RRN3: variants seen among roughly 807,000 people sequenced by gnomAD.
RRN3 encodes RNA polymerase I transcription factor RRN3, also known as RNA polymerase I-specific transcription initiation factor RRN3.
Under a neutral mutation model 82.3 loss-of-function variants are expected in RRN3, and 38 were observed. The observed-to-expected ratio is 0.46, with a 90% confidence interval of 0.36 to 0.61. The LOEUF is 0.61. Among genes scored for constraint, RRN3 ranks in the 20% least tolerant of loss-of-function variants. RRN3 has a pLI of 0.00. For synonymous variants in RRN3, 284 were observed against 284.3 expected (o/e 1.00, Z 0.01); for missense variants, 726 against 793.1 (o/e 0.92, Z 1.02).
chr16:15,091,296 C>T lies in RRN3; in HGVS notation c.252+19G>A, dbSNP rs1194105699. On this transcript the variant is annotated intron_variant, in intron 3 of 17. Transcript: ENST00000198767. ...CAGTGGCAATAATTTTGCTAATGAT[C>T]AAACACAAAATTAATTACCTTTATG... is the stretch of plus-strand genomic sequence containing the variant. 1 of 1,603,064 alleles carries T rather than the reference C, an allele frequency of 6.2e-7. No homozygotes were observed. Among genetic ancestry groups the T allele is most frequent in the East Asian group, 2.2e-5 (1 of 44,798 alleles).
chr16:15,086,539 C>G, intron 3 of RRN3, 85 bp from the exon 4 acceptor site: 1 of 1,571,666 alleles, frequency 6.4e-7, no homozygotes. Context: ...AATCATTTAT[C>G]AAGAATAGGT....
downstream of RRN3, chr16:15,060,023 T>C (rs141126550): frequency 5.2e-4 from 89 of 169,644 alleles, 1 homozygote; most frequent in East Asian, 0.013. Flanking sequence ...AAACAGAAAT[T>C]GAAAGAACAT....
chr16:15,077,179 A>G (rs1020523849), intron 9 of RRN3, among the ~76,000 whole-genome samples: 5 of 151,662 alleles, frequency 3.3e-5, no homozygotes, highest in South Asian at 2.1e-4. Context: ...GGGTTACTCC[A>G]TGTTAGTCAG....
In RRN3 at chr16:15,094,190, G is replaced by A. The variant is rs769280987; in HGVS notation, c.44C>T (p.Ala15Val). 1.2e-6 allele frequency: 2 copies of A among 1,601,166 alleles called. No individual in the cohort carries two copies. Among genetic ancestry groups the A allele is most frequent in the South Asian group, 2.3e-5 (2 of 88,632 alleles). Residue 15 changes from alanine to valine, a missense_variant, in exon 1 of 18, where the codon GCC (alanine) becomes GTC (valine). By Grantham distance (64) the Ala-to-Val change is moderately conservative. This residue lies in a region of RRN3 where 135 missense variants were observed against 87.4 expected (regional missense o/e 1.55). Transcript: ENST00000198767. ...LLHTRLPGDAAASSSAVKKLG... is the reference protein window; with the variant it reads ...LLHTRLPGDAVASSSAVKKLG... ...CTTCTTAACTGCAGAGGACGAAGCG[G>A]CCGCATCTCCCGGCAAACGCGTGTG...
At position 15,080,095 on chromosome 16, in the gene RRN3, T is replaced by A. The variant is rs1441297876; in HGVS notation, c.668A>T (p.Glu223Val). The A allele has an allele frequency of 2.5e-6, 4 of 1,593,552 alleles. No homozygotes were observed. Among genetic ancestry groups the A allele is most frequent in the Non-Finnish European group, 2.6e-6 (3 of 1,171,260 alleles). Residue 223 changes from glutamate (E) to valine (V), a missense_variant and splice_region_variant, in exon 9 of 18, where the codon GAA becomes GTA. Coordinates refer to ENST00000198767, the MANE Select transcript of RRN3 (RefSeq NM_018427.5). ...CCTTAGTAAGTTATGAACGTAACAT[T>A]CCTAAAGGAGAAAATGTAAGATAAA... Reference protein sequence around the residue: ...PFVRKSERTLECYVHNLLRIS... With the variant: ...PFVRKSERTLVCYVHNLLRIS...
Position 15,071,135 on chromosome 16 carries a change from T to C in RRN3, c.1245A>G (p.Lys415=), listed in dbSNP as rs2045208439. ...AGGCTACTTACATAAGAGGAATAAATTTAGCTCTTGCCAAAAAGCTTCCAA... is the reference window on the plus strand; with the variant it reads ...AGGCTACTTACATAAGAGGAATAAACTTAGCTCTTGCCAAAAAGCTTCCAA... The part of the protein sequence containing the change: ...NYIGSFLARA[K]FIPLITVKSC... The change falls in exon 13 of 18, where the codon AAA becomes AAG. Residue 415 remains lysine, a synonymous_variant. Transcript: ENST00000198767. 6.2e-7 allele frequency: 1 copy of C among 1,609,082 alleles called. No individual in the cohort carries two copies. Among genetic ancestry groups the C allele is most frequent in the East Asian group, 2.2e-5 (1 of 44,856 alleles).
intron 3 of RRN3, among the ~76,000 whole-genome samples, chr16:15,087,539 C>G (rs1321626555): frequency 6.6e-6 from 1 of 152,168 alleles, no homozygotes; most frequent in African/African-American, 2.4e-5. Context: ...TGAGTGCTTA[C>G]TATGCCATAT....
chr16:15,074,822 G>A lies in RRN3; in HGVS notation c.898C>T (p.Pro300Ser), dbSNP rs1223947161. The A allele has an allele frequency of 1.2e-6, 2 of 1,613,698 alleles. No homozygotes were observed. Among genetic ancestry groups the A allele is most frequent in the South Asian group, 1.1e-5 (1 of 91,024 alleles). ...EETEHETKAG[P>S]ERLDQMVHPV... Reference sequence around the variant, plus strand: ...TGCACCATCTGGTCGAGCCGTTCAGGACCAGCCTTTGTTTCATGTTCAGTT... The same window carrying A: ...TGCACCATCTGGTCGAGCCGTTCAGAACCAGCCTTTGTTTCATGTTCAGTT... The change falls in exon 11 of 18, where the codon CCT becomes TCT. Residue 300 changes from proline to serine, a missense_variant. Physicochemically the swap from Pro to Ser is moderately conservative, Grantham distance 74. Coordinates refer to ENST00000198767, the MANE Select transcript of RRN3 (RefSeq NM_018427.5).
chr16:15,063,718 A>AC (rs1217960626), intron 16 of RRN3, among the ~76,000 whole-genome samples: 1 of 151,110 alleles, frequency 6.6e-6, no homozygotes, highest in Non-Finnish European at 1.5e-5. Context: ...AAAAAAAAAA[A>AC]AAAAGAAAAA....
chr16:15,066,774 G>A (rs1448444939), intron 15 of RRN3, among the ~76,000 whole-genome samples: 3 of 151,198 alleles, frequency 2.0e-5, no homozygotes, highest in Admixed American at 6.6e-5. Context: ...AAAGCATCAA[G>A]CAGGCAAAAG....
At chr16:15,078,749 C>A (rs1032695408) in intron 9 of RRN3, among the ~76,000 whole-genome samples, 1 of 151,874 alleles carries the variant, frequency 6.6e-6, no homozygotes, top group Non-Finnish European at 1.5e-5. Flanking sequence ...AGGCTGCCCA[C>A]CAGCAACTGA....
rs2046124196 is a variant in RRN3 at position 15,091,371 on chromosome 16, C to G, written c.196G>C (p.Gly66Arg). The G allele has an allele frequency of 6.3e-7, 1 of 1,584,512 alleles. No homozygotes were observed. Among genetic ancestry groups the G allele is most frequent in the South Asian group, 1.1e-5 (1 of 88,980 alleles). The part of the protein sequence containing the change: ...VTEVLLKYKK[G>R]ETNDFELLKN... The stretch of plus-strand genomic sequence containing the variant: ...AACAACTCAAAGTCATTTGTTTCAC[C>G]CTTAACAAGAAGGGGAAAGAATTAA... The change falls in exon 3 of 18, where the codon GGT becomes CGT. Residue 66 changes from glycine to arginine, a missense_variant and splice_region_variant. Physicochemically the swap from Gly to Arg is moderately radical, Grantham distance 125. Coordinates refer to ENST00000198767, the MANE Select transcript of RRN3 (RefSeq NM_018427.5).
chr16:15,072,180 CT>C (rs1308875283), intron 12 of RRN3, among the ~76,000 whole-genome samples: 3 of 151,562 alleles, frequency 2.0e-5, no homozygotes, highest in Non-Finnish European at 4.4e-5. Flanking sequence ...CAACACTCTC[CT>C]GATCTCTAGG....
intron 3 of RRN3, among the ~76,000 whole-genome samples, chr16:15,090,895 G>C (rs987573502): frequency 2.0e-5 from 2 of 98,292 alleles, no homozygotes; most frequent in East Asian, 6.3e-4. Context: ...TTTTTGCTTT[G>C]TTTTAGCTTT....
rs1331875610 is a variant in RRN3, at chr16:15,063,231, C to T, written c.1759G>A (p.Glu587Lys). 1.9e-6 allele frequency: 3 copies of T among 1,613,430 alleles called. No individual in the cohort carries two copies. The Admixed American group carries it at 5.0e-5, about 27-fold the overall frequency. ...IYQVWEDMSA[E>K]ELQEFKKPMK... ...GGTTTCTTGAACTCCTGTAGCTCTT[C>T]AGCACTCATGTCTTCCCACACCTGA... The change falls in exon 17 of 18, where the codon GAA (glutamate) becomes AAA (lysine). Residue 587 changes from glutamate to lysine, a missense_variant. By Grantham distance (56) the Glu-to-Lys change is moderately conservative (BLOSUM62 1). Coordinates refer to ENST00000198767, the MANE Select transcript of RRN3 (RefSeq NM_018427.5).
At chr16:15,065,504 C>T in intron 15 of RRN3, 133 bp from the exon 16 acceptor site, 1 of 658,786 alleles carries the variant, frequency 1.5e-6, no homozygotes, top group African/African-American at 1.8e-5. Flanking sequence ...GTAAAAATAA[C>T]AATATAAAGC....
rs192856032 is a variant in RRN3, at chr16:15,092,821, C to G, written c.90-207G>C. 2.0e-5 allele frequency among the ~76,000 whole-genome samples: 3 copies of G among 152,310 alleles called. No homozygotes were observed. In the East Asian group the frequency reaches 5.8e-4, roughly 29 times the overall value. On this transcript the variant is annotated intron_variant, in intron 1 of 17. Coordinates refer to ENST00000198767, the MANE Select transcript of RRN3 (RefSeq NM_018427.5). ...CTGCACTTACAGTAAAAATCCAAAT[C>G]TCTCAGTGTGGTCTTTAAGATCCTA...
At chr16:15,083,879 G>C (rs778897371) in intron 7 of RRN3, 1 of 287,346 alleles carries the variant, frequency 3.5e-6, no homozygotes, top group Non-Finnish European at 6.7e-6. Flanking sequence ...ACCATGCCCA[G>C]CTAATTTTGT....
intron 17 of RRN3, among the ~76,000 whole-genome samples, chr16:15,062,603 T>C (rs1351895235): frequency 1.3e-5 from 2 of 152,208 alleles, no homozygotes; most frequent in East Asian, 3.8e-4. Context: ...CACCACCCAT[T>C]CATGAAGATC....
Sources: gnomAD v4.1 joint callset for allele counts (sites outside exome capture counted in the v4.1 genomes callset) on GRCh38, gnomAD v4.1.1 for gene constraint, gnomAD v4.1.1 regional missense constraint, MANE v1.5 for transcripts, NCBI Gene and HGNC (gene_info 2026-07-23, HGNC 2026-07-21) for gene names.